Variants in SLC35F4 observed in about 807,000 individuals in gnomAD.
SLC35F4 encodes the protein solute carrier family 35 member F4, also known as chromosome 14 open reading frame 36.
A neutral mutation model predicts 44.2 loss-of-function variants in SLC35F4; 24 were observed. The observed-to-expected ratio is 0.54, with a 90% CI of 0.39 to 0.76. The LOEUF is 0.76. Among genes scored for constraint, SLC35F4 ranks in the 30% least tolerant of loss-of-function variants. The pLI, the probability that SLC35F4 is intolerant of heterozygous loss-of-function variation, is 0.00. For missense variants in SLC35F4, 562 were observed against 586.1 expected (o/e 0.96, Z 0.42); for synonymous variants, 238 against 223.6 (o/e 1.06, Z -0.57).
In SLC35F4 at chr14:57,620,844, G is replaced by A. The variant is rs148414875; in HGVS notation, c.104-26720C>T. On this transcript the variant is annotated intron_variant, in intron 1 of 7. Coordinates refer to ENST00000556826, the MANE Select transcript of SLC35F4 (RefSeq NM_001306087.2). Reference sequence around the variant, plus strand: ...AATTAGGCAGGAGAAGGAAATAAAGGGTATTCAATTAGGAAAAGAGGAAGT... The same window carrying A: ...AATTAGGCAGGAGAAGGAAATAAAGAGTATTCAATTAGGAAAAGAGGAAGT... Among the ~76,000 whole-genome samples, 1,411 of 152,110 alleles carry A rather than the reference G, an allele frequency of 9.3e-3. 24 individuals are homozygous for A. The highest frequency in any genetic ancestry group is 0.032 in the African/African-American group (1,342 of 41,478).
At chr14:57,693,184 T>G (rs1346055388) in intron 1 of SLC35F4, among the ~76,000 whole-genome samples, 1 of 152,238 alleles carries the variant, frequency 6.6e-6, no homozygotes, top group Non-Finnish European at 1.5e-5. Context: ...TTACAATGTG[T>G]ATACTTCTCT....
At chr14:57,871,035 TCCCCAG>T (rs1280804370), upstream of SLC35F4, among the ~76,000 whole-genome samples, 2 of 152,168 alleles carry the variant, frequency 1.3e-5, no homozygotes, top group African/African-American at 2.4e-5. Context: ...AGGCTGTTAA[TCCCCAG>T]GTGTGGGAGG....
At chr14:57,770,829 G>A (rs186451374) in intron 1 of SLC35F4, among the ~76,000 whole-genome samples, 33 of 152,244 alleles carry the variant, frequency 2.2e-4, no homozygotes, top group African/African-American at 7.9e-4. Context: ...TTACAGTATA[G>A]GATAGTACAA....
intron 1 of SLC35F4, among the ~76,000 whole-genome samples, chr14:57,662,572 A>G (rs534296599): frequency 2.8e-4 from 42 of 152,190 alleles, no homozygotes; most frequent in Non-Finnish European, 5.4e-4. Context: ...TCATGTTATG[A>G]TGCAACACAA....
At chr14:57,833,768 T>A (rs1453314212) in intron 1 of SLC35F4, among the ~76,000 whole-genome samples, 1 of 152,270 alleles carries the variant, frequency 6.6e-6, no homozygotes, top group African/African-American at 2.4e-5. Flanking sequence ...GCTGTTGGCA[T>A]ATTTAAATAT....
At chr14:57,748,730 T>G (rs1395800534) in intron 1 of SLC35F4, among the ~76,000 whole-genome samples, 1 of 152,162 alleles carries the variant, frequency 6.6e-6, no homozygotes, top group Non-Finnish European at 1.5e-5. Flanking sequence ...TTGTTGCATC[T>G]AAATATAATG....
At chr14:57,957,899 T>G (rs7145358) in intron 1 of SLC35F4, among the ~76,000 whole-genome samples, 54,649 of 151,198 alleles carry the variant, frequency 0.36, 10,319 homozygotes, top group East Asian at 0.7. Context: ...ACACACACAC[T>G]TACGTATATA....
intron 1 of SLC35F4, among the ~76,000 whole-genome samples, chr14:57,879,659 A>G (rs1485599723): frequency 1.3e-5 from 2 of 152,136 alleles, no homozygotes; most frequent in East Asian, 1.9e-4. Flanking sequence ...TCAAGTCTCA[A>G]TTCAAGCACA....
intron 1 of SLC35F4, among the ~76,000 whole-genome samples, chr14:57,862,661 G>A (rs554772513): frequency 2.2e-4 from 34 of 152,252 alleles, no homozygotes; most frequent in African/African-American, 7.9e-4. Context: ...ATGTCCATAT[G>A]GCTAACTCCC....
chr14:57,792,993 T>A (rs1284922712), intron 1 of SLC35F4, among the ~76,000 whole-genome samples: 3 of 152,142 alleles, frequency 2.0e-5, no homozygotes, highest in African/African-American at 7.2e-5. Context: ...AAAAACTTTT[T>A]AAATTAAAAG....
intron 1 of SLC35F4, among the ~76,000 whole-genome samples, chr14:57,724,611 G>C (rs2076159516): frequency 6.6e-6 from 1 of 152,292 alleles, no homozygotes; most frequent in South Asian, 2.1e-4. Context: ...TGAGGAAGTA[G>C]TTCAAATGCC....
At chr14:57,869,211 T>C (rs79590362), upstream of SLC35F4, among the ~76,000 whole-genome samples, 4 of 151,010 alleles carry the variant, frequency 2.6e-5, no homozygotes, top group Admixed American at 2.6e-4. Flanking sequence ...TTTTTTTTTT[T>C]AAAAAAAGCC....
At chr14:57,666,252 A>T (rs180879163) in intron 1 of SLC35F4, among the ~76,000 whole-genome samples, 29 of 152,346 alleles carry the variant, frequency 1.9e-4, no homozygotes, top group African/African-American at 6.7e-4. Context: ...AGAGACCCAG[A>T]ACTTGAATTT....
chr14:57,877,708 T>G (rs1888430553), intron 1 of SLC35F4, among the ~76,000 whole-genome samples: 1 of 122,088 alleles, frequency 8.2e-6, no homozygotes. Context: ...TTTTTTGAGA[T>G]GGAGTCTTGC....
At chr14:57,684,392 A>G (rs1456519830) in intron 1 of SLC35F4, among the ~76,000 whole-genome samples, 1 of 152,100 alleles carries the variant, frequency 6.6e-6, no homozygotes, top group African/African-American at 2.4e-5. Flanking sequence ...CTTCAGGATA[A>G]AACTTCCACC....
chr14:57,662,324 G>A (rs1409102240), intron 1 of SLC35F4, among the ~76,000 whole-genome samples: 1 of 152,164 alleles, frequency 6.6e-6, no homozygotes, highest in East Asian at 1.9e-4. Context: ...TTTGAATATA[G>A]TTGGTCCCAG....
Position 57,712,094 on chromosome 14 carries a change from T to C in SLC35F4, c.104-117970A>G, listed in dbSNP as rs147395956. On this transcript the variant is annotated intron_variant, in intron 1 of 7. Coordinates refer to ENST00000556826, the MANE Select transcript of SLC35F4 (RefSeq NM_001306087.2). ...ATTGTCTCTACTATACATTGAAAGG[T>C]TGCAGCTCTTCTTTTATAAATGGAG... 2.0e-4 allele frequency among the ~76,000 whole-genome samples: 31 copies of C among 152,260 alleles called. 1 individual carries two copies. The East Asian group carries it at 5.8e-3, about 28-fold the overall frequency.
At chr14:57,687,850 A>C (rs878130) in intron 1 of SLC35F4, among the ~76,000 whole-genome samples, 68,143 of 152,108 alleles carry the variant, frequency 0.45, 15,546 homozygotes, top group African/African-American at 0.53. Context: ...GAATATAAAC[A>C]AGAGAACTCT....
chr14:57,966,456 C>A (rs55744411), intron 1 of SLC35F4, among the ~76,000 whole-genome samples: 1 of 149,606 alleles, frequency 6.7e-6, no homozygotes, highest in Non-Finnish European at 1.5e-5. Context: ...ACAAATTGAC[C>A]CATAAACCAT....
Sources: allele counts gnomAD v4.1 joint callset (sites outside exome capture counted in the v4.1 genomes callset), GRCh38; gene constraint gnomAD v4.1.1; transcripts MANE v1.5; gene names NCBI Gene and HGNC (gene_info 2026-07-23, HGNC 2026-07-21).